The following TNKS variants were observed in gnomAD, a reference collection of about 807,000 sequenced individuals.
TNKS encodes the protein tankyrase.
TNKS carries 72 observed loss-of-function variants against 135.8 expected under a neutral mutation model. The ratio of observed to expected loss-of-function variants is 0.53; its 90% CI spans 0.44 to 0.64. The LOEUF (loss-of-function observed/expected upper bound fraction) is 0.64, where lower values mean the gene tolerates loss of function less well. Ranked by LOEUF, TNKS falls within the 30% of genes least tolerant of loss-of-function variation. The pLI is 0.00. For synonymous variants in TNKS, 849 were observed against 649.3 expected (o/e 1.31, Z -4.68); for missense variants, 1,769 against 1,674.0 (o/e 1.06, Z -0.99).
chr8:9,658,840 A>G (rs1028652881), intron 3 of TNKS, among the ~76,000 whole-genome samples: 25 of 152,236 alleles, frequency 1.6e-4, no homozygotes, highest in Non-Finnish European at 3.2e-4. Flanking sequence ...CAGGAAACCC[A>G]TCTCATGTGC....
intron 3 of TNKS, among the ~76,000 whole-genome samples, chr8:9,621,844 A>T (rs1278088437): frequency 2.0e-5 from 3 of 152,198 alleles, no homozygotes; most frequent in Non-Finnish European, 2.9e-5. Context: ...GAAAAGTTGT[A>T]TATTTATCTA....
chr8:9,675,670 T>C (rs944785294), intron 3 of TNKS, among the ~76,000 whole-genome samples: 2 of 152,238 alleles, frequency 1.3e-5, no homozygotes, highest in African/African-American at 2.4e-5. Flanking sequence ...ATTGTCATTA[T>C]TTTTTAAGTT....
At chr8:9,763,630 A>G (rs1007755981) in intron 22 of TNKS, among the ~76,000 whole-genome samples, 10 of 152,202 alleles carry the variant, frequency 6.6e-5, no homozygotes, top group Non-Finnish European at 1.2e-4. Flanking sequence ...GCAGTTATAA[A>G]TGTGACTATA....
chr8:9,573,798 T>G (rs565636216), intron 1 of TNKS, among the ~76,000 whole-genome samples: 1 of 152,202 alleles, frequency 6.6e-6, no homozygotes, highest in Non-Finnish European at 1.5e-5. Context: ...GGAAAATGAC[T>G]TTAAGATGTG....
intron 1 of TNKS, among the ~76,000 whole-genome samples, chr8:9,564,168 C>T (rs1373274405): frequency 6.6e-6 from 1 of 152,146 alleles, no homozygotes; most frequent in Non-Finnish European, 1.5e-5. Flanking sequence ...AAAGTCTCTT[C>T]CTGATAGATT....
At chr8:9,731,371 A>T (rs1034222790) in intron 14 of TNKS, among the ~76,000 whole-genome samples, 2 of 150,806 alleles carry the variant, frequency 1.3e-5, no homozygotes, top group East Asian at 3.9e-4. Context: ...GAGGCAGGAG[A>T]ATCACTTGAA....
At chr8:9,558,840 A>C (rs1563376536) in intron 1 of TNKS, 1 of 152,198 alleles carries the variant, frequency 6.6e-6, no homozygotes, top group Non-Finnish European at 1.5e-5. Flanking sequence ...AATGTCCTGT[A>C]GTCAGTTTGC....
intron 3 of TNKS, among the ~76,000 whole-genome samples, chr8:9,618,166 T>A (rs886886497): frequency 1.2e-4 from 18 of 152,154 alleles, no homozygotes; most frequent in Admixed American, 9.8e-4. Context: ...TTTGTATTTT[T>A]AGTAGAGACG....
rs573160583 is a variant in TNKS, at chr8:9,566,679, G to A, written c.673+10067G>A. 3.6e-3 allele frequency among the ~76,000 whole-genome samples: 527 copies of A among 146,028 alleles called. 2 individuals are homozygous for A. Among genetic ancestry groups the A allele is most frequent in the African/African-American group, 0.012 (489 of 39,364 alleles). ...TGCGGACTGCAGTGGCGCAATCTCG[G>A]CTCACTGCAAGCTCCGCCTCCCGGG... On this transcript the variant is annotated intron_variant, in intron 1 of 26. Transcript: ENST00000310430.
chr8:9,623,611 A>T (rs575120577), intron 3 of TNKS, among the ~76,000 whole-genome samples: 203 of 152,322 alleles, frequency 1.3e-3, no homozygotes, highest in Middle Eastern at 3.4e-3. Flanking sequence ...GACTTGCTGG[A>T]TGCAAGGTTG....
intron 5 of TNKS, among the ~76,000 whole-genome samples, chr8:9,696,673 C>T (rs1415566562): frequency 6.6e-6 from 1 of 152,038 alleles, no homozygotes; most frequent in Non-Finnish European, 1.5e-5. Context: ...GGCTGAGAGT[C>T]AAATCAAGAT....
intron 13 of TNKS, among the ~76,000 whole-genome samples, chr8:9,729,524 G>C (rs558772061): frequency 5.2e-4 from 79 of 152,090 alleles, no homozygotes; most frequent in Non-Finnish European, 9.9e-4. Context: ...CCCTCAAGTT[G>C]GATAATTAGG....
chr8:9,766,998 G>A (rs935378664), intron 25 of TNKS, among the ~76,000 whole-genome samples: 4 of 152,128 alleles, frequency 2.6e-5, no homozygotes, highest in Admixed American at 2.6e-4. Context: ...CTTTCTCCCT[G>A]GGCTTCACTT....
At chr8:9,711,742 T>A (rs1480820579) in intron 11 of TNKS, among the ~76,000 whole-genome samples, 1 of 152,190 alleles carries the variant, frequency 6.6e-6, no homozygotes, top group Non-Finnish European at 1.5e-5. Flanking sequence ...AATGATAAAA[T>A]AACTGCTTTT....
In TNKS at chr8:9,706,873, C is replaced by A. The variant is rs776783070; in HGVS notation, c.1332C>A (p.Ser444=). ...WQFTPLHEAA[S]KNRVEVCSLL... ...TTACTCCACTGCACGAGGCTGCTTC[C>A]AAGAACCGTGTAGAAGTCTGCTCTT... Residue 444 remains serine, a synonymous_variant, in exon 8 of 27, where the codon TCC becomes TCA. Transcript: ENST00000310430. The A allele has an allele frequency of 1.1e-5, 18 of 1,614,028 alleles. No individual in the cohort carries two copies. Among genetic ancestry groups the A allele is most frequent in the Non-Finnish European group, 1.5e-5 (18 of 1,179,958 alleles).
At chr8:9,693,348 A>T (rs1803366054) in intron 5 of TNKS, among the ~76,000 whole-genome samples, 1 of 150,836 alleles carries the variant, frequency 6.6e-6, no homozygotes, top group Non-Finnish European at 1.5e-5. Flanking sequence ...AGCAACAAAA[A>T]GAACTCAGAG....
intron 1 of TNKS, chr8:9,566,593 C>CTTTTT (rs538182381): frequency 9.2e-5 from 8 of 87,162 alleles, no homozygotes; most frequent in African/African-American, 1.3e-4. Flanking sequence ...TTAGCCCAGT[C>CTTTTT]TTTTTTTTTT....
At chr8:9,599,791 T>TA (rs35076714) in intron 2 of TNKS, among the ~76,000 whole-genome samples, 37 of 148,692 alleles carry the variant, frequency 2.5e-4, no homozygotes, top group East Asian at 9.8e-4. Flanking sequence ...TGTGCCTTTT[T>TA]AAAAAAAAAA....
intron 2 of TNKS, among the ~76,000 whole-genome samples, chr8:9,613,468 C>T (rs1405948403): frequency 6.6e-6 from 1 of 152,152 alleles, no homozygotes; most frequent in East Asian, 1.9e-4. Context: ...TCCTAAAAGT[C>T]TTAACTTTAC....
Sources: allele counts gnomAD v4.1 joint callset (sites outside exome capture counted in the v4.1 genomes callset), GRCh38; gene constraint gnomAD v4.1.1; transcripts MANE v1.5; gene names NCBI Gene and HGNC (gene_info 2026-07-23, HGNC 2026-07-21).